Variants in ANK2 observed in about 807,000 individuals in gnomAD.
The protein encoded by ANK2 is ankyrin 2.
A neutral mutation model predicts 360.5 loss-of-function variants in ANK2; 83 were observed. The observed-to-expected ratio is 0.23, with a 90% CI of 0.19 to 0.28. ANK2 has a LOEUF of 0.28. ANK2 is among the 10% of genes least tolerant of loss of function. ANK2 has a pLI of 1.00. For synonymous variants in ANK2, 1,740 were observed against 1,759.5 expected (o/e 0.99, Z 0.28); for missense variants, 4,201 against 4,795.7 (o/e 0.88, Z 3.66).
At chr4:113,373,713 C>T (rs2096827007) in intron 45 of ANK2, 18 of 611,726 alleles carry the variant, frequency 2.9e-5, no homozygotes, top group South Asian at 2.0e-4. Flanking sequence ...CATGGTTGAC[C>T]ACTGCAGAAA....
At chr4:113,189,069 C>A (rs1382890484) in intron 2 of ANK2, among the ~76,000 whole-genome samples, 3 of 152,068 alleles carry the variant, frequency 2.0e-5, no homozygotes, top group East Asian at 3.8e-4. Context: ...GAAAAAGAAG[C>A]CTTGTTGGGA....
the ANK2 span, among the ~76,000 whole-genome samples, chr4:112,784,148 A>G: frequency 2.0e-5 from 3 of 152,172 alleles, no homozygotes; most frequent in East Asian, 1.9e-4. Context: ...TACATATGGC[A>G]TACTTAAATG....
chr4:113,286,094 A>G (rs1340450087), intron 18 of ANK2, among the ~76,000 whole-genome samples: 1 of 152,212 alleles, frequency 6.6e-6, no homozygotes, highest in Non-Finnish European at 1.5e-5. Context: ...CACATATTTA[A>G]AAGTCATCAA....
At chr4:113,363,948 T>C (rs1426486318) in intron 40 of ANK2, among the ~76,000 whole-genome samples, 2 of 152,164 alleles carry the variant, frequency 1.3e-5, no homozygotes, top group African/African-American at 2.4e-5. Context: ...AATGAATGAA[T>C]TGATACAAAT....
At chr4:113,369,167 AT>A (rs1717317850) in intron 42 of ANK2, among the ~76,000 whole-genome samples, 1 of 152,216 alleles carries the variant, frequency 6.6e-6, no homozygotes, top group South Asian at 2.1e-4. Context: ...ACAAATACTT[AT>A]GTAAAATTCC....
intron 41 of ANK2, among the ~76,000 whole-genome samples, chr4:113,366,391 C>CTTTTTTTTTTTTTT (rs58588518): frequency 1.8e-5 from 2 of 108,368 alleles, no homozygotes; most frequent in African/African-American, 4.4e-5. Flanking sequence ...TTCTTGCTTC[C>CTTTTTTTTTTTTTT]TTTTTTTTTT....
chr4:112,995,952 C>T (rs1224065560), intron 2 of ANK2, among the ~76,000 whole-genome samples: 3 of 152,154 alleles, frequency 2.0e-5, no homozygotes, highest in Non-Finnish European at 4.4e-5. Flanking sequence ...AAAAGTTAAA[C>T]ATGTGCATAC....
At chr4:113,006,236 C>G (rs1231020702) in intron 2 of ANK2, among the ~76,000 whole-genome samples, 2 of 152,100 alleles carry the variant, frequency 1.3e-5, no homozygotes, top group African/African-American at 4.8e-5. Flanking sequence ...CTGACTTGGT[C>G]ATTACACATT....
chr4:112,961,212 C>T (rs1210473069), intron 2 of ANK2, among the ~76,000 whole-genome samples: 1 of 151,978 alleles, frequency 6.6e-6, no homozygotes, highest in Non-Finnish European at 1.5e-5. Flanking sequence ...GATCTAGCTG[C>T]AGTGATTTCT....
chr4:113,325,887 A>G (rs1388929859), intron 26 of ANK2, among the ~76,000 whole-genome samples: 1 of 152,202 alleles, frequency 6.6e-6, no homozygotes, highest in African/African-American at 2.4e-5. Flanking sequence ...CTTAAAGATC[A>G]TAGATGACAG....
intron 14 of ANK2, among the ~76,000 whole-genome samples, chr4:113,266,291 T>C (rs901230938): frequency 6.6e-6 from 1 of 152,352 alleles, no homozygotes; most frequent in East Asian, 1.9e-4. Flanking sequence ...GAACTCATTC[T>C]TTTTTAAGGC....
At chr4:113,084,083 A>G (rs2083516672) in intron 1 of ANK2, among the ~76,000 whole-genome samples, 1 of 152,186 alleles carries the variant, frequency 6.6e-6, no homozygotes, top group South Asian at 2.1e-4. Context: ...GCTTCTAACC[A>G]TTGGCTTCTG....
At chr4:112,754,244 T>G in the ANK2 span, among the ~76,000 whole-genome samples, 1 of 150,844 alleles carries the variant, frequency 6.6e-6, no homozygotes, top group African/African-American at 2.4e-5. Context: ...ACAATTACTG[T>G]GGCATGTCCT....
the ANK2 span, among the ~76,000 whole-genome samples, chr4:112,706,386 CTCACT>C: frequency 6.6e-6 from 1 of 152,090 alleles, no homozygotes; most frequent in African/African-American, 2.4e-5. Context: ...TTTTCTCAGT[CTCACT>C]TCACACACAG....
Position 113,355,552 on chromosome 4 carries a change from A to G in ANK2, c.6934A>G (p.Thr2312Ala). 2 of 1,614,026 alleles carry G rather than the reference A, an allele frequency of 1.2e-6. No homozygotes were observed. The highest frequency in any genetic ancestry group is 2.2e-5 in the South Asian group (2 of 91,078). ...TACTGAGAGTTTTCAGAAAGAGGCC[A>G]CTCTAGGCTCTCCCAAAGACACAAG... ...TSTESFQKEA[T>A]LGSPKDTSPK... Residue 2312 changes from threonine to alanine, a missense_variant, in exon 38 of 46, where the codon ACT becomes GCT. Physicochemically the swap from Thr to Ala is moderately conservative, Grantham distance 58 (BLOSUM62 0). This residue lies in a region of ANK2 where 2,642 missense variants were observed against 2,714.5 expected (regional missense o/e 0.97). Coordinates refer to ENST00000357077, the MANE Select transcript of ANK2 (RefSeq NM_001148.6).
At chr4:112,818,326 T>A (rs1244749032) in intron 1 of ANK2, 1 of 152,264 alleles carries the variant, frequency 6.6e-6, no homozygotes, top group African/African-American at 2.4e-5. Flanking sequence ...AGTGTTTGTG[T>A]TGATAGGGGG....
At chr4:112,741,296 G>A in the ANK2 span, among the ~76,000 whole-genome samples, 1 of 152,124 alleles carries the variant, frequency 6.6e-6, no homozygotes, top group African/African-American at 2.4e-5. Flanking sequence ...GATTCACTGA[G>A]CTGACTATTT....
chr4:112,757,421 G>A, the ANK2 span, among the ~76,000 whole-genome samples: 1 of 152,172 alleles, frequency 6.6e-6, no homozygotes, highest in African/African-American at 2.4e-5. Context: ...GCTGACAGCA[G>A]TGACTTTTCT....
At chr4:112,766,768 C>G in the ANK2 span, among the ~76,000 whole-genome samples, 1 of 152,272 alleles carries the variant, frequency 6.6e-6, no homozygotes, top group African/African-American at 2.4e-5. Context: ...AATCATTGTG[C>G]CCTGATGAGA....
Sources: gnomAD v4.1 joint callset for allele counts (sites outside exome capture counted in the v4.1 genomes callset) on GRCh38, gnomAD v4.1.1 for gene constraint, gnomAD v4.1.1 regional missense constraint, MANE v1.5 for transcripts, NCBI Gene and HGNC (gene_info 2026-07-23, HGNC 2026-07-21) for gene names.